CACNG3: variants seen among roughly 807,000 people sequenced by gnomAD.
The protein encoded by CACNG3 is voltage-dependent calcium channel gamma-3 subunit.
CACNG3 carries 3 observed loss-of-function variants against 28.5 expected under a neutral mutation model. That is an observed-to-expected ratio of 0.11 (90% CI 0.05 to 0.27). CACNG3 has a LOEUF of 0.27. Among genes scored for constraint, CACNG3 ranks in the 10% least tolerant of loss-of-function variants. The probability of loss-of-function intolerance (pLI) is 1.00; values close to 1 mark genes in which losing one functional copy is unlikely to be tolerated. For synonymous variants in CACNG3, 174 were observed against 162.2 expected, an observed-to-expected ratio of 1.07 and a Z score of -0.55; for missense variants, 236 against 414.4, an observed-to-expected ratio of 0.57 and a Z score of 3.74.
chr16:24,315,318 T>C (rs905448855), intron 1 of CACNG3, among the ~76,000 whole-genome samples: 5 of 152,050 alleles, frequency 3.3e-5, no homozygotes, highest in African/African-American at 1.2e-4. Context: ...TAGGAAGGGA[T>C]GTTTGGACTC....
At chr16:24,360,210 G>A (rs559934288) in intron 3 of CACNG3, among the ~76,000 whole-genome samples, 1 of 151,804 alleles carries the variant, frequency 6.6e-6, no homozygotes, top group South Asian at 2.1e-4. Flanking sequence ...GTCATTGTTG[G>A]CACCATGACC....
At chr16:24,346,464 G>T (rs951272996) in intron 1 of CACNG3, among the ~76,000 whole-genome samples, 1 of 152,216 alleles carries the variant, frequency 6.6e-6, no homozygotes, top group Non-Finnish European at 1.5e-5. Flanking sequence ...TATAGTCCCA[G>T]CTACTTGGGA....
intron 1 of CACNG3, among the ~76,000 whole-genome samples, chr16:24,313,007 A>C (rs1284274177): frequency 6.7e-6 from 1 of 148,892 alleles, no homozygotes; most frequent in Non-Finnish European, 1.5e-5. Context: ...AAGAAAGAAA[A>C]AGAGAGAAAG....
chr16:24,355,791 C>T (rs944593295), intron 3 of CACNG3, among the ~76,000 whole-genome samples: 2 of 152,042 alleles, frequency 1.3e-5, no homozygotes, highest in African/African-American at 2.4e-5. Flanking sequence ...AAAGTCATCA[C>T]GAGAGTCCAG....
At chr16:24,297,772 A>G (rs1899051634) in intron 1 of CACNG3, among the ~76,000 whole-genome samples, 1 of 152,130 alleles carries the variant, frequency 6.6e-6, no homozygotes, top group African/African-American at 2.4e-5. Context: ...GGTGTTCCAG[A>G]ATCTCTCCAC....
intron 1 of CACNG3, among the ~76,000 whole-genome samples, chr16:24,327,770 C>A (rs951053218): frequency 5.3e-5 from 8 of 151,954 alleles, no homozygotes; most frequent in African/African-American, 1.7e-4. Context: ...AGTGAGACCA[C>A]ATCTCTACAA....
At chr16:24,300,590 C>G (rs1208381682) in intron 1 of CACNG3, among the ~76,000 whole-genome samples, 1 of 150,086 alleles carries the variant, frequency 6.7e-6, no homozygotes, top group African/African-American at 2.5e-5. Flanking sequence ...GGTATCTGAA[C>G]TCTCTTGTTA....
intron 2 of CACNG3, among the ~76,000 whole-genome samples, chr16:24,354,282 C>T (rs1037947967): frequency 1.3e-5 from 2 of 152,124 alleles, no homozygotes; most frequent in Non-Finnish European, 1.5e-5. Context: ...TTCTATTTGC[C>T]GTTTAATATC....
chr16:24,289,705 C>T (rs1459324521), intron 1 of CACNG3, among the ~76,000 whole-genome samples: 1 of 152,202 alleles, frequency 6.6e-6, no homozygotes, highest in African/African-American at 2.4e-5. Context: ...GGTAGCACAG[C>T]ACGCTCTGTG....
chr16:24,307,062 G>C (rs991778899), intron 1 of CACNG3, among the ~76,000 whole-genome samples: 4 of 152,180 alleles, frequency 2.6e-5, no homozygotes, highest in African/African-American at 9.6e-5. Context: ...TAGCTGGGCA[G>C]TATGAGGGTA....
At chr16:24,359,708 ATTAAC>A (rs1900081211) in intron 3 of CACNG3, among the ~76,000 whole-genome samples, 1 of 152,036 alleles carries the variant, frequency 6.6e-6, no homozygotes, top group Admixed American at 6.6e-5. Flanking sequence ...AAAAAAAAAA[ATTAAC>A]TTAGCTGTGC....
At chr16:24,338,089 T>TCCCTACTAGCCTCTCTTC (rs1899735274) in intron 1 of CACNG3, among the ~76,000 whole-genome samples, 1 of 152,068 alleles carries the variant, frequency 6.6e-6, no homozygotes, top group South Asian at 2.1e-4. Context: ...GCCTTCTTTT[T>TCCCTACTAGCCTCTCTTC]TCCTACTAGC....
At chr16:24,357,076 A>C (rs765913117) in intron 3 of CACNG3, among the ~76,000 whole-genome samples, 1 of 152,030 alleles carries the variant, frequency 6.6e-6, no homozygotes, top group South Asian at 2.1e-4. Context: ...TCTACTAAAA[A>C]TACAAAAATT....
At position 24,324,649 on chromosome 16, in the gene CACNG3, C is replaced by T. The variant is rs144016470; in HGVS notation, c.212-22085C>T. 5.3e-5 allele frequency among the ~76,000 whole-genome samples: 8 copies of T among 152,306 alleles called. No individual in the cohort carries two copies. In the East Asian group the frequency reaches 1.5e-3, roughly 29 times the overall value. On this transcript the variant is annotated intron_variant, in intron 1 of 3. Coordinates refer to ENST00000005284, the MANE Select transcript of CACNG3 (RefSeq NM_006539.4). ...CATATCCTATCATATCACTCTCCTG[C>T]TTAATCCCTGAAAGCCCCATTGCCC...
Position 24,362,085 on chromosome 16 carries a change from T to G in CACNG3, c.*222T>G, listed in dbSNP as rs907349631. The G allele has an allele frequency of 1.3e-5, 6 of 467,748 alleles. No individual in the cohort carries two copies. The highest frequency in any genetic ancestry group is 2.2e-5 in the Non-Finnish European group (6 of 267,430). 29.0% of individuals were successfully genotyped at this position (467,748 alleles called of 1,614,324 possible). A position where few individuals can be genotyped will look rare whatever the true frequency, so the allele number is the denominator to read the frequency against. ...CCAATCCCTTAATGTCATTCCTCTC[T>G]CTGTGTATCTGTGCCAGATGTTTTC... On this transcript the variant is annotated 3_prime_UTR_variant, in exon 4 of 4. Coordinates refer to ENST00000005284, the MANE Select transcript of CACNG3 (RefSeq NM_006539.4).
At chr16:24,285,525 T>C (rs1170062828) in intron 1 of CACNG3, among the ~76,000 whole-genome samples, 1 of 152,158 alleles carries the variant, frequency 6.6e-6, no homozygotes, top group Non-Finnish European at 1.5e-5. Flanking sequence ...AGGAGCATCA[T>C]TTGCTTTTGT....
At chr16:24,328,017 T>C (rs1899581130) in intron 1 of CACNG3, among the ~76,000 whole-genome samples, 1 of 152,228 alleles carries the variant, frequency 6.6e-6, no homozygotes, top group Admixed American at 6.5e-5. Context: ...TGTCCACTTG[T>C]TTATTTAACA....
intron 1 of CACNG3, among the ~76,000 whole-genome samples, chr16:24,334,849 G>A (rs939690364): frequency 5.9e-5 from 9 of 152,170 alleles, no homozygotes; most frequent in African/African-American, 2.2e-4. Flanking sequence ...CGCTCTGTGA[G>A]AATACACACG....
chr16:24,353,915 G>A (rs749883105), intron 2 of CACNG3, among the ~76,000 whole-genome samples: 4 of 152,104 alleles, frequency 2.6e-5, no homozygotes, highest in Admixed American at 6.5e-5. Flanking sequence ...CTCTTAGGCC[G>A]GGTGCAGTGG....
Sources: gnomAD v4.1 joint callset for allele counts (sites outside exome capture counted in the v4.1 genomes callset) on GRCh38, gnomAD v4.1.1 for gene constraint, MANE v1.5 for transcripts, NCBI Gene and HGNC (gene_info 2026-07-23, HGNC 2026-07-21) for gene names.